GPC5: variants seen among roughly 807,000 people sequenced by gnomAD.
The protein encoded by GPC5 is glypican-5.
In GPC5, 47 loss-of-function variants were observed where a neutral mutation model predicts 53.9. The ratio of observed to expected loss-of-function variants is 0.87; its 90% CI spans 0.69 to 1.11. GPC5 has a LOEUF of 1.11. Among genes scored for constraint, GPC5 ranks in the 50% most tolerant of loss-of-function variants. The pLI is 0.00. For synonymous variants in GPC5, 286 were observed against 263.3 expected, an observed-to-expected ratio of 1.09 and a Z score of -0.84; for missense variants, 748 against 713.1, an observed-to-expected ratio of 1.05 and a Z score of -0.56.
chr13:92,658,962 T>G (rs1382706385), intron 7 of GPC5: 1 of 124,180 alleles, frequency 8.1e-6, no homozygotes, highest in Non-Finnish European at 1.6e-5. Context: ...GGAGTCTCGC[T>G]CTGTCGCCCA....
intron 7 of GPC5, among the ~76,000 whole-genome samples, chr13:92,423,385 ATTTAT>A (rs1265916831): frequency 4.6e-5 from 7 of 152,152 alleles, no homozygotes; most frequent in African/African-American, 7.2e-5. Context: ...GTTTCTCCTA[ATTTAT>A]TTAATTTCTT....
chr13:91,660,725 A>G (rs2034968227), intron 2 of GPC5, among the ~76,000 whole-genome samples: 1 of 152,214 alleles, frequency 6.6e-6, no homozygotes, highest in Non-Finnish European at 1.5e-5. Context: ...TCTGGAAGGC[A>G]TAGACAATTG....
At chr13:92,303,117 C>A (rs145125549) in intron 7 of GPC5, among the ~76,000 whole-genome samples, 1 of 151,778 alleles carries the variant, frequency 6.6e-6, no homozygotes, top group African/African-American at 2.4e-5. Flanking sequence ...TCTTTTCTTA[C>A]GGCTTTGAAA....
chr13:92,759,200 T>G (rs1875056276), intron 7 of GPC5, among the ~76,000 whole-genome samples: 1 of 151,798 alleles, frequency 6.6e-6, no homozygotes, highest in Non-Finnish European at 1.5e-5. Context: ...CCTCCATTTT[T>G]TTTTTCAGAA....
intron 7 of GPC5, among the ~76,000 whole-genome samples, chr13:92,697,112 A>ACT: frequency 6.7e-6 from 1 of 150,240 alleles, no homozygotes; most frequent in African/African-American, 2.5e-5. Context: ...CTTGTAGCAT[A>ACT]GTTTGAAGTC....
intron 5 of GPC5, among the ~76,000 whole-genome samples, chr13:91,825,653 T>C (rs1176963867): frequency 1.3e-5 from 2 of 152,046 alleles, no homozygotes; most frequent in Non-Finnish European, 2.9e-5. Flanking sequence ...AAAAGAACTA[T>C]ACTGGGTGAG....
intron 7 of GPC5, among the ~76,000 whole-genome samples, chr13:92,403,502 C>T (rs1024136205): frequency 2.0e-5 from 3 of 152,172 alleles, no homozygotes; most frequent in Non-Finnish European, 4.4e-5. Flanking sequence ...CTATTGTGAG[C>T]TGCGCATGTG....
chr13:91,882,213 G>C (rs2039271633), intron 5 of GPC5, among the ~76,000 whole-genome samples: 1 of 151,930 alleles, frequency 6.6e-6, no homozygotes, highest in African/African-American at 2.4e-5. Flanking sequence ...AATGTAACCT[G>C]TATGGTTTTT....
At chr13:92,174,253 G>A (rs2042091839) in intron 7 of GPC5, among the ~76,000 whole-genome samples, 1 of 151,990 alleles carries the variant, frequency 6.6e-6, no homozygotes, top group Non-Finnish European at 1.5e-5. Context: ...CGGGTGTGGT[G>A]GCTCACACCT....
chr13:92,169,384 G>C (rs2042053832), intron 7 of GPC5, among the ~76,000 whole-genome samples: 2 of 152,304 alleles, frequency 1.3e-5, no homozygotes, highest in South Asian at 4.1e-4. Flanking sequence ...AAATATATTT[G>C]AGGTTTAAAA....
chr13:91,893,798 G>T (rs2039413136), intron 5 of GPC5, among the ~76,000 whole-genome samples: 1 of 151,824 alleles, frequency 6.6e-6, no homozygotes, highest in Non-Finnish European at 1.5e-5. Context: ...TGAGTTTAGG[G>T]TTATATATTC....
rs190125778 is a variant in GPC5, at chr13:92,643,726, G to A, written c.1562-222556G>A. ...GGAATATCACACTCTGGGGACTGTG[G>A]TGGGGTGCGGGGAGGAGGGAGGGAT... is the stretch of plus-strand genomic sequence containing the variant. On this transcript the variant is annotated intron_variant, in intron 7 of 7. Coordinates refer to ENST00000377067, the MANE Select transcript of GPC5 (RefSeq NM_004466.6). Among the ~76,000 whole-genome samples the A allele has an allele frequency of 2.7e-5, 4 of 147,782 alleles. No individual in the cohort carries two copies. The East Asian group carries it at 7.8e-4, about 29-fold the overall frequency.
intron 7 of GPC5, among the ~76,000 whole-genome samples, chr13:92,859,796 T>C (rs1345293319): frequency 6.6e-6 from 1 of 152,136 alleles, no homozygotes; most frequent in Non-Finnish European, 1.5e-5. Context: ...TAAAATAGCT[T>C]AAAATAATAT....
Position 91,987,745 on chromosome 13 carries a change from A to G in GPC5, c.1401+79688A>G, listed in dbSNP as rs548719634. Among the ~76,000 whole-genome samples, 223 of 146,004 alleles carry G rather than the reference A, an allele frequency of 1.5e-3. 1 individual carries two copies. In the Middle Eastern group the frequency reaches 0.047, roughly 31 times the overall value. ...ACAATAGTATATAAATACTATATAT[A>G]GTATTTATATTATATTATGTATAAT... On this transcript the variant is annotated intron_variant, in intron 6 of 7. Transcript: ENST00000377067.
intron 6 of GPC5, among the ~76,000 whole-genome samples, chr13:92,023,090 C>T (rs1175084147): frequency 6.6e-6 from 1 of 152,046 alleles, no homozygotes; most frequent in Non-Finnish European, 1.5e-5. Context: ...AACAGCATCT[C>T]AGAAATGTTT....
At chr13:91,508,354 G>C (rs1319633913) in intron 2 of GPC5, among the ~76,000 whole-genome samples, 1 of 152,148 alleles carries the variant, frequency 6.6e-6, no homozygotes, top group African/African-American at 2.4e-5. Flanking sequence ...GGTAGAAAAT[G>C]TTCAGTCCAA....
chr13:91,617,045 C>A (rs1371194992), intron 2 of GPC5, among the ~76,000 whole-genome samples: 1 of 152,076 alleles, frequency 6.6e-6, no homozygotes, highest in African/African-American at 2.4e-5. Flanking sequence ...CTGGATGGAT[C>A]TTTTTAGCAT....
chr13:92,106,678 T>C (rs1325402462), intron 6 of GPC5, among the ~76,000 whole-genome samples: 1 of 152,100 alleles, frequency 6.6e-6, no homozygotes, highest in Non-Finnish European at 1.5e-5. Context: ...CTGCAACTCT[T>C]TAGGTAATTG....
intron 7 of GPC5, among the ~76,000 whole-genome samples, chr13:92,236,116 A>G (rs1191834598): frequency 2.6e-5 from 4 of 152,112 alleles, no homozygotes; most frequent in East Asian, 1.9e-4. Flanking sequence ...CCAATTTAAT[A>G]GAATCTTCTT....
Sources: gnomAD v4.1 joint callset for allele counts (sites outside exome capture counted in the v4.1 genomes callset) on GRCh38, gnomAD v4.1.1 for gene constraint, MANE v1.5 for transcripts, NCBI Gene and HGNC (gene_info 2026-07-23, HGNC 2026-07-21) for gene names.